PKHD1: variants seen among roughly 807,000 people sequenced by gnomAD.
PKHD1 encodes PKHD1 ciliary IPT domain containing fibrocystin/polyductin, also known as fibrocystin.
Under a neutral mutation model 412.0 loss-of-function variants are expected in PKHD1, and 291 were observed. The observed-to-expected ratio is 0.71, with a 90% CI of 0.64 to 0.78. The LOEUF (loss-of-function observed/expected upper bound fraction) is 0.78. PKHD1 is among the 30% of genes least tolerant of loss of function. The pLI is 0.00. For synonymous variants in PKHD1, 1,777 were observed against 1,821.5 expected, an observed-to-expected ratio of 0.98 and a Z score of 0.62; for missense variants, 4,825 against 4,950.7, an observed-to-expected ratio of 0.97 and a Z score of 0.76.
At chr6:51,635,872 G>C (rs1297203157) in intron 64 of PKHD1, among the ~76,000 whole-genome samples, 3 of 98,994 alleles carry the variant, frequency 3.0e-5, no homozygotes, top group East Asian at 4.0e-4. Flanking sequence ...GGGGGGCGGG[G>C]GGCCGGGGGC....
At chr6:51,693,779 G>A (rs972098932) in intron 60 of PKHD1, among the ~76,000 whole-genome samples, 1 of 152,142 alleles carries the variant, frequency 6.6e-6, no homozygotes, top group African/African-American at 2.4e-5. Flanking sequence ...GTGACTGAGT[G>A]CTTACAATGA....
At chr6:51,790,192 T>C (rs769382447) in intron 53 of PKHD1, among the ~76,000 whole-genome samples, 48 of 152,226 alleles carry the variant, frequency 3.2e-4, no homozygotes, top group Non-Finnish European at 6.2e-4. Flanking sequence ...ATATGATTTT[T>C]TTCTGGGCAT....
At chr6:51,666,713 G>A (rs1245263866) in intron 60 of PKHD1, among the ~76,000 whole-genome samples, 3 of 114,890 alleles carry the variant, frequency 2.6e-5, no homozygotes, top group African/African-American at 1.1e-4. Flanking sequence ...CCCCACAACA[G>A]TCCCCAGAGT....
chr6:52,003,372 A>G (rs1370066864), intron 35 of PKHD1, among the ~76,000 whole-genome samples: 3 of 152,178 alleles, frequency 2.0e-5, no homozygotes, highest in African/African-American at 7.2e-5. Context: ...AGTACCTTTA[A>G]CTTAAGAAAA....
rs2128188127 is a variant in PKHD1, at chr6:52,045,995, T to C, written c.2592+9A>G. Reference sequence around the variant, plus strand: ...AAATCCATGCCACTAGAAGGGATACTATACATACCCTGATAAAATTGGGCA... The same window carrying C: ...AAATCCATGCCACTAGAAGGGATACCATACATACCCTGATAAAATTGGGCA... On this transcript the variant is annotated intron_variant, in intron 24 of 66. Coordinates refer to ENST00000371117, the MANE Select transcript of PKHD1 (RefSeq NM_138694.4). 1 of 1,602,260 alleles carries C rather than the reference T, an allele frequency of 6.2e-7. No individual in the cohort carries two copies. The highest frequency in any genetic ancestry group is 8.6e-7 in the Non-Finnish European group (1 of 1,169,344).
chr6:51,703,393 T>A (rs1779675510), intron 60 of PKHD1, among the ~76,000 whole-genome samples: 1 of 151,956 alleles, frequency 6.6e-6, no homozygotes, highest in African/African-American at 2.4e-5. Context: ...TTTTACTAAG[T>A]CTATCACAGT....
intron 59 of PKHD1, among the ~76,000 whole-genome samples, chr6:51,744,789 C>T (rs1784987762): frequency 6.6e-6 from 1 of 151,960 alleles, no homozygotes; most frequent in African/African-American, 2.4e-5. Flanking sequence ...ATATAGATTG[C>T]TGATTTTTTA....
At chr6:51,698,707 G>A (rs926320529) in intron 60 of PKHD1, among the ~76,000 whole-genome samples, 13 of 152,046 alleles carry the variant, frequency 8.6e-5, no homozygotes, top group African/African-American at 2.2e-4. Context: ...TATGTATGTC[G>A]CTTAAAGCAA....
At chr6:51,899,516 T>C (rs1345008723) in intron 43 of PKHD1, among the ~76,000 whole-genome samples, 1 of 151,754 alleles carries the variant, frequency 6.6e-6, no homozygotes, top group Non-Finnish European at 1.5e-5. Flanking sequence ...GGGATGTATT[T>C]CAAAATAATA....
chr6:52,004,045 T>G (rs113620498), intron 35 of PKHD1, among the ~76,000 whole-genome samples: 1 of 152,214 alleles, frequency 6.6e-6, no homozygotes, highest in South Asian at 2.1e-4. Flanking sequence ...TTTCACCAAA[T>G]TTAGAAAATC....
At chr6:51,776,317 T>C (rs991840043) in intron 53 of PKHD1, among the ~76,000 whole-genome samples, 5 of 152,030 alleles carry the variant, frequency 3.3e-5, no homozygotes, top group Non-Finnish European at 7.4e-5. Flanking sequence ...ACCAGATCTC[T>C]TTCAATGTTG....
intron 53 of PKHD1, among the ~76,000 whole-genome samples, chr6:51,785,028 G>T (rs939158274): frequency 7.2e-5 from 11 of 152,104 alleles, no homozygotes; most frequent in African/African-American, 1.2e-4. Context: ...CTATTTAATT[G>T]TCTGTTTCCC....
rs1439085337 is a variant in PKHD1, at chr6:51,754,881, G to A, written c.8700C>T (p.Ser2900=). 1.2e-6 allele frequency: 2 copies of A among 1,613,166 alleles called. No homozygotes were observed. The highest frequency in any genetic ancestry group is 1.7e-6 in the Non-Finnish European group (2 of 1,179,224). Residue 2900 remains serine (S), a synonymous_variant, in exon 56 of 67, where the codon TCC becomes TCT. Transcript: ENST00000371117. ...WRPHDKIVLS[S]SSYEPHEAEV... The stretch of plus-strand genomic sequence containing the variant: ...CTGCTTCATGAGGCTCATAAGAAGA[G>A]GAGCTAAGGACTATTTTGTCATGGG...
chr6:51,701,943 TATATC>T (rs2150706625), intron 60 of PKHD1, among the ~76,000 whole-genome samples: 1 of 151,390 alleles, frequency 6.6e-6, no homozygotes, highest in Admixed American at 6.6e-5. Flanking sequence ...ATTCAAAAAT[TATATC>T]ATATTAATCA....
intron 60 of PKHD1, among the ~76,000 whole-genome samples, chr6:51,717,713 C>T (rs1019030051): frequency 6.6e-6 from 1 of 152,102 alleles, no homozygotes; most frequent in Admixed American, 6.6e-5. Context: ...GAACATATCA[C>T]CATTGTTAAG....
intron 35 of PKHD1, among the ~76,000 whole-genome samples, chr6:51,964,612 A>G (rs867546381): frequency 6.6e-6 from 1 of 152,264 alleles, no homozygotes; most frequent in East Asian, 1.9e-4. Context: ...CCTGGCATCT[A>G]TTGGCTACCC....
rs773916989 is a variant in PKHD1, at chr6:51,746,777, G to C, written c.9942C>G (p.Thr3314=). 1.2e-6 allele frequency: 2 copies of C among 1,611,014 alleles called. No homozygotes were observed. Among genetic ancestry groups the C allele is most frequent in the Non-Finnish European group, 8.5e-7 (1 of 1,177,376 alleles). Residue 3314 remains threonine (T), a synonymous_variant, in exon 59 of 67, where the codon ACC becomes ACG. Transcript: ENST00000371117. ...GIMHPITAER[T]RMLKIKDKNK... The stretch of plus-strand genomic sequence containing the variant: ...TTTTATCTTTTATCTTTAGCATCCT[G>C]GTCCTCTCTGCTGTTATTGGGTGCA...
chr6:51,626,963 T>C, intron 66 of PKHD1, 34 bp downstream of exon 66: 1 of 1,609,948 alleles, frequency 6.2e-7, no homozygotes, highest in Non-Finnish European at 8.5e-7. Context: ...AGTGGGTCTC[T>C]CCTGTGGGGA....
At chr6:52,016,373 T>C (rs1372142633) in intron 34 of PKHD1, among the ~76,000 whole-genome samples, 1 of 152,134 alleles carries the variant, frequency 6.6e-6, no homozygotes, top group Non-Finnish European at 1.5e-5. Flanking sequence ...CGGTGGCTCA[T>C]GCCTATAATC....
Sources: gnomAD v4.1 joint callset for allele counts (sites outside exome capture counted in the v4.1 genomes callset) on GRCh38, gnomAD v4.1.1 for gene constraint, MANE v1.5 for transcripts, NCBI Gene and HGNC (gene_info 2026-07-23, HGNC 2026-07-21) for gene names.